The following MEST variants were observed in gnomAD, a reference collection of about 807,000 sequenced individuals.
MEST encodes mesoderm-specific transcript homolog protein.
In MEST, 18 loss-of-function variants were observed where a neutral mutation model predicts 50.9. That is an observed-to-expected ratio of 0.35 (90% CI 0.24 to 0.52). The LOEUF (loss-of-function observed/expected upper bound fraction) is 0.52, where lower values mean the gene tolerates loss of function less well. Ranked by LOEUF, MEST falls within the 20% of genes least tolerant of loss-of-function variation. The probability of loss-of-function intolerance (pLI) is 0.94; values close to 1 mark genes in which losing one functional copy is unlikely to be tolerated. For synonymous variants in MEST, 130 were observed against 154.1 expected, an observed-to-expected ratio of 0.84 and a Z score of 1.16; for missense variants, 282 against 425.3, an observed-to-expected ratio of 0.66 and a Z score of 2.96.
At chr7:130,502,839 A>C in intron 10 of MEST, 119 bp downstream of exon 10, 1 of 689,552 alleles carries the variant, frequency 1.5e-6, no homozygotes, top group Non-Finnish European at 2.4e-6. Flanking sequence ...ATACCCAGTT[A>C]AATTTGAATT....
At chr7:130,494,418 T>G (rs1423740556) in intron 1 of MEST, 1 of 152,188 alleles carries the variant, frequency 6.6e-6, no homozygotes, top group South Asian at 2.1e-4. Context: ...AACAGAACGG[T>G]TTATAATTCC....
intron 9 of MEST, among the ~76,000 whole-genome samples, chr7:130,501,973 T>G: frequency 2.1e-5 from 3 of 140,194 alleles, no homozygotes; most frequent in African/African-American, 5.4e-5. Flanking sequence ...GGGCACAGAG[T>G]GAGACTCCGT....
intron 9 of MEST, 44 bp from the exon 10 acceptor site, chr7:130,502,600 T>G: frequency 6.9e-7 from 1 of 1,454,638 alleles, no homozygotes; most frequent in East Asian, 2.3e-5. Context: ...CCTGTAACAG[T>G]AAAGGTTTCT....
In MEST at chr7:130,492,192, G is replaced by C. The variant is rs1798846139; in HGVS notation, c.-122G>C. The C allele has an allele frequency of 1.2e-6, 1 of 808,326 alleles. No individual in the cohort carries two copies. Among genetic ancestry groups the C allele is most frequent in the African/African-American group, 1.8e-5 (1 of 54,806 alleles). 50.1% of individuals were successfully genotyped at this position (808,326 alleles called of 1,614,324 possible). ...GGCTGTAGCTGCCCGGCGCGGCGCCGCCCTGCGCGGGCTGTGGGCTGCGGG... is the reference window on the plus strand; with the variant it reads ...GGCTGTAGCTGCCCGGCGCGGCGCCCCCCTGCGCGGGCTGTGGGCTGCGGG... On this transcript the variant is annotated 5_prime_UTR_variant, in exon 1 of 12. Coordinates refer to ENST00000223215, the MANE Select transcript of MEST (RefSeq NM_002402.4). This position sits in a 1 kb window ranked among gnomAD's most constrained non-coding sequence, Gnocchi z 7.6.
chr7:130,498,083 CAGAG>C, intron 4 of MEST, 52 bp from the exon 5 acceptor site: 2 of 1,613,886 alleles, frequency 1.2e-6, no homozygotes, highest in East Asian at 4.5e-5. Flanking sequence ...GTCAGGCTGG[CAGAG>C]AGAGCTGTCC....
intron 11 of MEST, 24 bp downstream of exon 11, chr7:130,504,020 A>G (rs1554439220): frequency 1.3e-6 from 2 of 1,589,894 alleles, no homozygotes; most frequent in Admixed American, 1.7e-5. Context: ...AGAGAAGTCT[A>G]TGTTTTGTTA....
Position 130,497,932 on chromosome 7 carries a change from G to A in MEST, c.262-4G>A, listed in dbSNP as rs782552386. The A allele has an allele frequency of 4.3e-6, 7 of 1,614,146 alleles. No individual in the cohort carries two copies. The highest frequency in any genetic ancestry group is 1.6e-4 in the Middle Eastern group (1 of 6,062). ...AAGCCCAAATCATCGTTTCTTTCTT[G>A]TAGATTTGGGAAGGTCTGACCTTGA... On this transcript the variant is annotated splice_region_variant and splice_polypyrimidine_tract_variant and intron_variant, in intron 3 of 11. Coordinates refer to ENST00000223215, the MANE Select transcript of MEST (RefSeq NM_002402.4). This position sits in a 1 kb window ranked among gnomAD's most constrained non-coding sequence, Gnocchi z 4.0.
Position 130,506,453 on chromosome 7 carries a change from A to G in MEST, c.*1397A>G. ...TTTCAAGATCACCCAAAGCTGCACT[A>G]TCGTCCCAAAGCTGACCAAGTAGAA... On this transcript the variant is annotated 3_prime_UTR_variant, in exon 12 of 12. Transcript: ENST00000223215. 1 of 301,010 alleles carries G rather than the reference A, an allele frequency of 3.3e-6. No homozygotes were observed. Among genetic ancestry groups the G allele is most frequent in the South Asian group, 6.1e-5 (1 of 16,440 alleles). 18.6% of individuals were successfully genotyped at this position (301,010 alleles called of 1,614,324 possible).
chr7:130,497,169 G>A lies in MEST; in HGVS notation c.195G>A (p.Val65=). The part of the protein sequence containing the change: ...LRIFYQDSVG[V]VGSPEIVVLL... ...CCTTCTTCCTAGACTCTGTGGGTGT[G>A]GTTGGAAGTCCAGAGATAGTTGTGC... The change falls in exon 3 of 12, where the codon GTG becomes GTA. Residue 65 remains valine (V), a synonymous_variant. Transcript: ENST00000223215. This position sits in a 1 kb window ranked among gnomAD's most constrained non-coding sequence, Gnocchi z 4.0. 4 of 1,612,558 alleles carry A rather than the reference G, an allele frequency of 2.5e-6. No individual in the cohort carries two copies. Among genetic ancestry groups the A allele is most frequent in the Non-Finnish European group, 3.4e-6 (4 of 1,179,272 alleles).
chr7:130,501,050 G>C (rs1207048390), intron 9 of MEST, 160 bp downstream of exon 9: 1 of 557,086 alleles, frequency 1.8e-6, no homozygotes, highest in African/African-American at 1.9e-5. Flanking sequence ...GAAAGAAATA[G>C]AAAATAAGAG....
Position 130,498,191 on chromosome 7 carries a change from T to G in MEST, c.392T>G (p.Leu131Trp). Residue 131 changes from leucine to tryptophan, a missense_variant, in exon 5 of 12, where the codon TTG (leucine) becomes TGG (tryptophan). By Grantham distance (61) the Leu-to-Trp change is moderately conservative. Transcript: ENST00000223215. ...FEQASIVEALLRHLGLQNRRI... is the reference protein window; with the variant it reads ...FEQASIVEALWRHLGLQNRRI... ...CAGGCCAGCATCGTGGAAGCGCTTTTGCGGCATCTGGGGCTCCAGAACCGC... is the reference window on the plus strand; with the variant it reads ...CAGGCCAGCATCGTGGAAGCGCTTTGGCGGCATCTGGGGCTCCAGAACCGC... 1 of 1,614,214 alleles carries G rather than the reference T, an allele frequency of 6.2e-7. No homozygotes were observed. The highest frequency in any genetic ancestry group is 8.5e-7 in the Non-Finnish European group (1 of 1,180,040).
At chr7:130,498,062 A>C (rs1799133083) in intron 4 of MEST, 49 bp downstream of exon 4, 2 of 1,613,980 alleles carry the variant, frequency 1.2e-6, no homozygotes, top group Non-Finnish European at 1.7e-6. Context: ...GGGCAGACGC[A>C]GACTATGAGG....
In MEST at chr7:130,498,457, GTC is replaced by G; in HGVS notation, c.519_520del (p.Cys174SerfsTer9). 6.2e-7 allele frequency: 1 copy of G among 1,614,168 alleles called. No individual in the cohort carries two copies. Among genetic ancestry groups the G allele is most frequent in the Non-Finnish European group, 8.5e-7 (1 of 1,180,036 alleles). On this transcript the variant is annotated frameshift_variant, in exon 6 of 12. Transcript: ENST00000223215. LOFTEE classifies it high-confidence loss of function. Reference sequence around the variant, plus strand: ...CGATCTGGTCGGCTTACCATAAAGAGTCTCTGTCTGTCAAATGGAGGTAATTG... The same window carrying G: ...CGATCTGGTCGGCTTACCATAAAGAGTCTGTCTGTCAAATGGAGGTAATTG...
rs1353427110 is a variant in MEST, at chr7:130,505,977, G to A, written c.*921G>A. 6.6e-6 allele frequency: 1 copy of A among 152,548 alleles called. No homozygotes were observed. The highest frequency in any genetic ancestry group is 1.5e-5 in the Non-Finnish European group (1 of 68,046). The allele number at this position is 152,548 out of a possible 1,614,324, so 9.4% of individuals were successfully genotyped here. The stretch of plus-strand genomic sequence containing the variant: ...GTGTAGTCAAGTCACCATGCTGAAT[G>A]TACACTGATTCCTTTATGATGACTG... On this transcript the variant is annotated 3_prime_UTR_variant, in exon 12 of 12. Transcript: ENST00000223215.
At chr7:130,499,653 G>A (rs935562739) in intron 6 of MEST, among the ~76,000 whole-genome samples, 11 of 152,090 alleles carry the variant, frequency 7.2e-5, no homozygotes, top group Admixed American at 1.3e-4. Flanking sequence ...CAGAGGTGAT[G>A]GTGAATAGGG....
intron 6 of MEST, 115 bp from the exon 7 acceptor site, chr7:130,499,760 G>A: frequency 1.3e-6 from 1 of 760,940 alleles, no homozygotes; most frequent in Non-Finnish European, 2.1e-6. Context: ...GGGAGGCTGA[G>A]GTGAGAGGAT....
At chr7:130,504,427 G>A (rs1554439317) in intron 11 of MEST, among the ~76,000 whole-genome samples, 1 of 152,196 alleles carries the variant, frequency 6.6e-6, no homozygotes, top group African/African-American at 2.4e-5. Context: ...ATTCTCTCTA[G>A]GTACTTACTT....
chr7:130,491,240 C>T (rs1798798171), upstream of MEST: 1 of 152,322 alleles, frequency 6.6e-6, no homozygotes, highest in Non-Finnish European at 1.5e-5. The surrounding 1 kb of genome is among the most constrained non-coding windows in gnomAD (Gnocchi z 6.8). Context: ...GTGATTCTAT[C>T]TTACGTAAAT....
chr7:130,500,927 T>G lies in MEST; in HGVS notation c.749+37T>G. 1 of 1,557,834 alleles carries G rather than the reference T, an allele frequency of 6.4e-7. No individual in the cohort carries two copies. Among genetic ancestry groups the G allele is most frequent in the Non-Finnish European group, 8.8e-7 (1 of 1,134,762 alleles). On this transcript the variant is annotated intron_variant, in intron 9 of 11. Coordinates refer to ENST00000223215, the MANE Select transcript of MEST (RefSeq NM_002402.4). The surrounding 1 kb of genome is among the most constrained non-coding windows in gnomAD (Gnocchi z 5.0). ...CCCTTTGCTTTGGTTTCCAGAGACG[T>G]GTTTTTGTGGAGAGTGGGGATTGCT...
Sources: gnomAD v4.1 joint callset for allele counts (sites outside exome capture counted in the v4.1 genomes callset) on GRCh38, gnomAD v4.1.1 for gene constraint, Gnocchi (gnomAD v3.1) non-coding constraint, MANE v1.5 for transcripts, NCBI Gene and HGNC (gene_info 2026-07-23, HGNC 2026-07-21) for gene names.